The following TASOR variants were observed in gnomAD, a reference collection of about 807,000 sequenced individuals.
TASOR encodes protein TASOR.
In TASOR, 53 loss-of-function variants were observed where a neutral mutation model predicts 178.6. The ratio of observed to expected loss-of-function variants is 0.30; its 90% CI spans 0.24 to 0.37. The LOEUF (loss-of-function observed/expected upper bound fraction) is 0.37, where lower values mean the gene tolerates loss of function less well. Ranked by LOEUF, TASOR falls within the 10% of genes least tolerant of loss-of-function variation. The pLI is 1.00. For missense variants in TASOR, 1,815 were observed against 1,971.4 expected, an observed-to-expected ratio of 0.92 and a Z score of 1.50; for synonymous variants, 713 against 696.2, an observed-to-expected ratio of 1.02 and a Z score of -0.38.
At chr3:56,625,341 C>G (rs566777625) in intron 21 of TASOR, among the ~76,000 whole-genome samples, 1 of 152,096 alleles carries the variant, frequency 6.6e-6, no homozygotes, top group East Asian at 1.9e-4. Context: ...AGTATAAATC[C>G]TTCCTTCAAA....
intron 6 of TASOR, 94 bp from the exon 7 acceptor site, chr3:56,666,478 T>C (rs1001754415): frequency 7.0e-5 from 67 of 961,036 alleles, no homozygotes; most frequent in Non-Finnish European, 8.5e-5. Context: ...GAAAACCATA[T>C]ATGCACTTCT....
intron 1 of TASOR, among the ~76,000 whole-genome samples, chr3:56,678,947 G>A (rs1328530876): frequency 3.3e-5 from 5 of 150,934 alleles, no homozygotes; most frequent in African/African-American, 1.2e-4. Flanking sequence ...AGGATGCAGA[G>A]GCTGCAGTCA....
At chr3:56,674,496 G>A (rs13088629) in intron 1 of TASOR, among the ~76,000 whole-genome samples, 1 of 152,070 alleles carries the variant, frequency 6.6e-6, no homozygotes, top group Non-Finnish European at 1.5e-5. Context: ...GAGTGAGAGA[G>A]AGACCCTGTC....
intron 11 of TASOR, among the ~76,000 whole-genome samples, chr3:56,650,019 C>A (rs1185988156): frequency 6.6e-6 from 1 of 152,164 alleles, no homozygotes; most frequent in Non-Finnish European, 1.5e-5. Context: ...GCTACTGTTT[C>A]CTTAAAACAA....
chr3:56,633,620 C>G lies in TASOR; in HGVS notation c.3171G>C (p.Lys1057Asn), dbSNP rs145761086. 2 of 1,613,884 alleles carry G rather than the reference C, an allele frequency of 1.2e-6. No homozygotes were observed. Among genetic ancestry groups the G allele is most frequent in the African/African-American group, 2.7e-5 (2 of 74,900 alleles). Residue 1057 changes from lysine to asparagine, a missense_variant, in exon 18 of 24, where the codon AAG becomes AAC. By Grantham distance (94) the Lys-to-Asn change is moderately conservative (BLOSUM62 0). Coordinates refer to ENST00000683822, the MANE Select transcript of TASOR (RefSeq NM_001365635.2). ...ATATGAACTCGGAAAGCCGTTTCAT[C>G]TTCTCTTGTGTTGAAAAGATAGGTG... ...VSTPIFSTQE[K>N]MKRLSEFIYS...
intron 14 of TASOR, among the ~76,000 whole-genome samples, chr3:56,645,184 G>C (rs1451219858): frequency 6.6e-6 from 1 of 152,190 alleles, no homozygotes; most frequent in Non-Finnish European, 1.5e-5. Flanking sequence ...TCAGGCACGA[G>C]AATCTTTTGA....
At chr3:56,681,625 G>GA (rs1205974637) in intron 1 of TASOR, among the ~76,000 whole-genome samples, 7 of 151,980 alleles carry the variant, frequency 4.6e-5, no homozygotes, top group African/African-American at 9.7e-5. Context: ...AAAGATACGG[G>GA]AAAAAAACAA....
rs1440628671 is a variant in TASOR at position 56,641,294 on chromosome 3, C to T, written c.2619+55G>A. The T allele has an allele frequency of 2.7e-6, 4 of 1,485,410 alleles. No homozygotes were observed. In the African/African-American group the frequency reaches 4.2e-5, roughly 16 times the overall value. The allele number at this position is 1,485,410 out of a possible 1,614,324, so 92.0% of individuals were successfully genotyped here. A position where few individuals can be genotyped will look rare whatever the true frequency, so the allele number is the denominator to read the frequency against. ...CATTCCCTGAAGCATACTCACAGCA[C>T]CTCTTTCACACACACACTCACAAAC... is the stretch of plus-strand genomic sequence containing the variant. On this transcript the variant is annotated intron_variant, in intron 15 of 23. Coordinates refer to ENST00000683822, the MANE Select transcript of TASOR (RefSeq NM_001365635.2).
chr3:56,643,015 G>C (rs1016091436), intron 14 of TASOR, among the ~76,000 whole-genome samples: 1 of 151,668 alleles, frequency 6.6e-6, no homozygotes, highest in Non-Finnish European at 1.5e-5. Context: ...TGTAATCTCA[G>C]CACTTTGGAA....
chr3:56,622,912 C>G lies in TASOR; in HGVS notation c.*125G>C. 2 of 541,338 alleles carry G rather than the reference C, an allele frequency of 3.7e-6. 1 individual carries two copies. The highest frequency in any genetic ancestry group is 8.9e-5 in the South Asian group (2 of 22,456). 33.5% of individuals were successfully genotyped at this position (541,338 alleles called of 1,614,324 possible). On this transcript the variant is annotated 3_prime_UTR_variant, in exon 24 of 24. Transcript: ENST00000683822. Reference sequence around the variant, plus strand: ...TTTTAGATGCTTCAACTGTTACAGGCCATCATGATTTAAATAAAAGAAAAA... The same window carrying G: ...TTTTAGATGCTTCAACTGTTACAGGGCATCATGATTTAAATAAAAGAAAAA...
intron 8 of TASOR, among the ~76,000 whole-genome samples, chr3:56,663,162 G>A (rs547887444): frequency 1.3e-5 from 2 of 152,088 alleles, no homozygotes; most frequent in East Asian, 3.9e-4. Context: ...CAGCCTGGGC[G>A]AGAGTAAGAC....
chr3:56,674,549 T>G (rs2031098835), intron 1 of TASOR, among the ~76,000 whole-genome samples: 2 of 152,134 alleles, frequency 1.3e-5, no homozygotes, highest in African/African-American at 4.8e-5. Flanking sequence ...CTCACGTGGC[T>G]TCTTGTATAA....
chr3:56,664,027 G>C (rs994717759), intron 7 of TASOR: 1 of 201,990 alleles, frequency 5.0e-6, no homozygotes, highest in East Asian at 1.9e-4. Context: ...TAATGAGGAA[G>C]ACAGAAAACA....
chr3:56,640,498 C>T (rs953205125), intron 15 of TASOR, among the ~76,000 whole-genome samples: 8 of 151,986 alleles, frequency 5.3e-5, no homozygotes, highest in East Asian at 1.9e-4. Context: ...CCCATGCCCC[C>T]GCCCCCCATC....
Position 56,624,661 on chromosome 3 carries a change from G to C in TASOR, c.4319-18C>G. The C allele has an allele frequency of 1.0e-5, 16 of 1,602,392 alleles. No homozygotes were observed. The highest frequency in any genetic ancestry group is 1.4e-5 in the Non-Finnish European group (16 of 1,174,988). On this transcript the variant is annotated intron_variant, in intron 22 of 23. Coordinates refer to ENST00000683822, the MANE Select transcript of TASOR (RefSeq NM_001365635.2). ...GTTCTTCTCTAAATTAAGAAAAAAA[G>C]TTTCATGTATGAAACACTTCAAAAT... is the stretch of plus-strand genomic sequence containing the variant.
chr3:56,661,430 A>C (rs940988069), intron 9 of TASOR, among the ~76,000 whole-genome samples: 2 of 152,216 alleles, frequency 1.3e-5, no homozygotes, highest in Non-Finnish European at 2.9e-5. Context: ...TGTTGGGATT[A>C]CATGAGTGAG....
chr3:56,680,918 T>C (rs2107648364), intron 1 of TASOR, among the ~76,000 whole-genome samples: 2 of 152,178 alleles, frequency 1.3e-5, no homozygotes, highest in East Asian at 3.9e-4. Flanking sequence ...CCTCAATTAT[T>C]TCCACTTTTA....
chr3:56,647,938 C>T lies in TASOR; in HGVS notation c.1514-715G>A, dbSNP rs576693311. Among the ~76,000 whole-genome samples the T allele has an allele frequency of 1.5e-3, 234 of 152,332 alleles. 1 individual carries two copies. The highest frequency in any genetic ancestry group is 5.4e-3 in the African/African-American group (226 of 41,572). ...CACAGACCGGGAATAGTGGCTCATG[C>T]CTCTAATCCCAGCAGCTTGGGAGGC... On this transcript the variant is annotated intron_variant, in intron 13 of 23. Coordinates refer to ENST00000683822, the MANE Select transcript of TASOR (RefSeq NM_001365635.2).
At chr3:56,677,009 A>G (rs941550086) in intron 1 of TASOR, among the ~76,000 whole-genome samples, 4 of 152,180 alleles carry the variant, frequency 2.6e-5, no homozygotes, top group Non-Finnish European at 4.4e-5. Flanking sequence ...TTTTCTGGTG[A>G]TAATTTCTAA....
Sources: allele counts gnomAD v4.1 joint callset (sites outside exome capture counted in the v4.1 genomes callset), GRCh38; gene constraint gnomAD v4.1.1; transcripts MANE v1.5; gene names NCBI Gene and HGNC (gene_info 2026-07-23, HGNC 2026-07-21).